The following LINGO2 variants were observed in gnomAD, a reference collection of about 807,000 sequenced individuals.
LINGO2 encodes leucine rich repeat and Ig domain containing 2.
A neutral mutation model predicts 30.6 loss-of-function variants in LINGO2; 14 were observed. That is an observed-to-expected ratio of 0.46 (90% CI 0.30 to 0.72). The LOEUF (loss-of-function observed/expected upper bound fraction) is 0.72. Among genes scored for constraint, LINGO2 ranks in the 30% least tolerant of loss-of-function variants. The pLI is 0.07. For missense variants in LINGO2, 729 were observed against 751.7 expected (o/e 0.97, Z 0.35); for synonymous variants, 317 against 288.5 (o/e 1.10, Z -1.00).
intron 1 of LINGO2, among the ~76,000 whole-genome samples, chr9:28,504,478 G>T (rs1820021762): frequency 6.6e-6 from 1 of 151,716 alleles, no homozygotes; most frequent in Non-Finnish European, 1.5e-5. Context: ...TCTAAATTGG[G>T]ATGATAAAAA....
chr9:28,963,394 G>A, the LINGO2 span, among the ~76,000 whole-genome samples: 1 of 151,818 alleles, frequency 6.6e-6, no homozygotes, highest in Non-Finnish European at 1.5e-5. Flanking sequence ...TTCCACTACT[G>A]GGTATGTATC....
At chr9:28,468,360 C>T (rs1279448900) in intron 2 of LINGO2, among the ~76,000 whole-genome samples, 1 of 152,176 alleles carries the variant, frequency 6.6e-6, no homozygotes, top group Non-Finnish European at 1.5e-5. Context: ...TAGTTTCTCA[C>T]TCTCCTTACT....
chr9:28,714,045 G>C, the LINGO2 span, among the ~76,000 whole-genome samples: 1 of 151,618 alleles, frequency 6.6e-6, no homozygotes, highest in African/African-American at 2.4e-5. Context: ...TGCAATCCCA[G>C]GTACTCGGGA....
the LINGO2 span, among the ~76,000 whole-genome samples, chr9:29,088,380 G>C: frequency 3.3e-5 from 5 of 152,036 alleles, no homozygotes; most frequent in Non-Finnish European, 7.4e-5. Context: ...CTGTGGCCAA[G>C]GCTTACCCTA....
intron 4 of LINGO2, among the ~76,000 whole-genome samples, chr9:28,253,630 G>A (rs115738104): frequency 1.1e-4 from 16 of 152,188 alleles, no homozygotes; most frequent in South Asian, 2.1e-4. Flanking sequence ...TTTGAATGAC[G>A]AGGTTAAGAT....
intron 4 of LINGO2, among the ~76,000 whole-genome samples, chr9:28,173,528 C>A (rs912424769): frequency 6.6e-6 from 1 of 152,104 alleles, no homozygotes; most frequent in Non-Finnish European, 1.5e-5. Context: ...AGATGAGCAA[C>A]TCATCTACCA....
chr9:28,924,379 C>T, the LINGO2 span, among the ~76,000 whole-genome samples: 20 of 152,082 alleles, frequency 1.3e-4, no homozygotes, highest in Non-Finnish European at 2.6e-4. Context: ...CACCACCATG[C>T]CCAGCTAATT....
the LINGO2 span, among the ~76,000 whole-genome samples, chr9:28,686,286 T>A: frequency 6.6e-6 from 1 of 152,072 alleles, no homozygotes; most frequent in African/African-American, 2.4e-5. Context: ...AAGGGCAATA[T>A]TCATATTTCA....
At chr9:28,686,418 T>C in the LINGO2 span, among the ~76,000 whole-genome samples, 1 of 152,120 alleles carries the variant, frequency 6.6e-6, no homozygotes. Context: ...AACTAATTTT[T>C]ATGGCTTTTA....
intron 1 of LINGO2, among the ~76,000 whole-genome samples, chr9:28,493,813 T>G (rs1038117365): frequency 2.2e-4 from 33 of 152,158 alleles, no homozygotes; most frequent in African/African-American, 7.5e-4. Context: ...TAAAAGCATG[T>G]GGAAGAACGT....
intron 3 of LINGO2, among the ~76,000 whole-genome samples, chr9:28,296,655 G>A (rs1823934947): frequency 1.3e-5 from 2 of 152,286 alleles, no homozygotes; most frequent in South Asian, 4.1e-4. Flanking sequence ...TGGAACACAT[G>A]CCTTGCACTA....
chr9:28,322,926 G>C (rs1825100193), intron 3 of LINGO2, among the ~76,000 whole-genome samples: 1 of 152,154 alleles, frequency 6.6e-6, no homozygotes, highest in Admixed American at 6.5e-5. Context: ...TATGTACACA[G>C]TGAGACACAG....
chr9:28,054,553 T>A (rs73443916), intron 4 of LINGO2, among the ~76,000 whole-genome samples: 516 of 152,246 alleles, frequency 3.4e-3, no homozygotes, highest in African/African-American at 0.012. Flanking sequence ...GAAGTTCCAT[T>A]AACTGTTTAA....
At chr9:28,494,438 G>C (rs943956647) in intron 1 of LINGO2, among the ~76,000 whole-genome samples, 3 of 151,942 alleles carry the variant, frequency 2.0e-5, no homozygotes, top group African/African-American at 7.3e-5. Flanking sequence ...TCATTGTTCA[G>C]TTCCCACTTT....
chr9:29,050,545 T>A, the LINGO2 span, among the ~76,000 whole-genome samples: 1 of 152,180 alleles, frequency 6.6e-6, no homozygotes, highest in African/African-American at 2.4e-5. Context: ...TGAGTGGGAA[T>A]AGGGGAGATC....
At chr9:28,096,268 T>C (rs1826239621) in intron 4 of LINGO2, among the ~76,000 whole-genome samples, 1 of 152,202 alleles carries the variant, frequency 6.6e-6, no homozygotes, top group South Asian at 2.1e-4. Context: ...ATTTATGGTA[T>C]TTGAAGCTTT....
the LINGO2 span, among the ~76,000 whole-genome samples, chr9:28,892,400 A>G: frequency 6.6e-6 from 1 of 152,012 alleles, no homozygotes; most frequent in African/African-American, 2.4e-5. Context: ...CACTAAGTTC[A>G]TTACTGATAA....
At chr9:28,706,436 A>G in the LINGO2 span, among the ~76,000 whole-genome samples, 1 of 152,172 alleles carries the variant, frequency 6.6e-6, no homozygotes, top group African/African-American at 2.4e-5. Flanking sequence ...TATTTTAAAA[A>G]ATTAATGTTA....
Position 28,553,368 on chromosome 9 carries a change from C to T in LINGO2, c.-364-77343G>A, listed in dbSNP as rs141932608. On this transcript the variant is annotated intron_variant, in intron 1 of 5. Coordinates refer to ENST00000379992, the Ensembl canonical transcript of LINGO2. ...TGAAGAATGCAGAAGCCTCAGGAGCCGATGTGATCAATTGGAAGAAAGGGT... is the reference window on the plus strand; with the variant it reads ...TGAAGAATGCAGAAGCCTCAGGAGCTGATGTGATCAATTGGAAGAAAGGGT... 5.6e-3 allele frequency among the ~76,000 whole-genome samples: 849 copies of T among 151,666 alleles called. 8 individuals carry two copies. The highest frequency in any genetic ancestry group is 0.02 in the African/African-American group (812 of 41,358).
Sources: allele counts gnomAD v4.1 joint callset (sites outside exome capture counted in the v4.1 genomes callset), GRCh38; gene constraint gnomAD v4.1.1; transcripts MANE v1.5; gene names NCBI Gene and HGNC (gene_info 2026-07-23, HGNC 2026-07-21).